The following PCDHGA9 variants were observed in gnomAD, a reference collection of about 807,000 sequenced individuals.
PCDHGA9 encodes the protein protocadherin gamma subfamily A, 9.
In PCDHGA9, 37 loss-of-function variants were observed where a neutral mutation model predicts 62.5. The ratio of observed to expected loss-of-function variants is 0.59; its 90% confidence interval spans 0.46 to 0.78. The LOEUF is 0.78. Ranked by LOEUF, PCDHGA9 falls within the 30% of genes least tolerant of loss-of-function variation. The probability of loss-of-function intolerance (pLI) is 0.00; values close to 1 mark genes in which losing one functional copy is unlikely to be tolerated. For missense variants in PCDHGA9, 1,138 were observed against 1,166.2 expected (o/e 0.98, Z 0.35); for synonymous variants, 459 against 484.6 (o/e 0.95, Z 0.69).
At chr5:141,416,011 G>A (rs2095982763) in intron 1 of PCDHGA9, 2 of 239,912 alleles carry the variant, frequency 8.3e-6, no homozygotes, top group Non-Finnish European at 7.8e-6. Flanking sequence ...GGTAAGAATA[G>A]GTAAGTATCA....
In PCDHGA9 at chr5:141,493,811, A is replaced by T. The variant is rs956872917; in HGVS notation, c.2425-996A>T. Reference sequence around the variant, plus strand: ...CTCCCTGGAGTAATCTGAGATACTCACACTCTCTGCTTCTGGGAGCAAGTA... The same window carrying T: ...CTCCCTGGAGTAATCTGAGATACTCTCACTCTCTGCTTCTGGGAGCAAGTA... On this transcript the variant is annotated intron_variant, in intron 1 of 3. Transcript: ENST00000573521. The surrounding 1 kb of genome is among the most constrained non-coding windows in gnomAD (Gnocchi z 4.3). Among the ~76,000 whole-genome samples the T allele has an allele frequency of 1.3e-5, 2 of 152,154 alleles. No homozygotes were observed. The highest frequency in any genetic ancestry group is 2.9e-5 in the Non-Finnish European group (2 of 68,036).
chr5:141,489,354 G>A lies in PCDHGA9; in HGVS notation c.2425-5453G>A, dbSNP rs773010251. On this transcript the variant is annotated intron_variant, in intron 1 of 3. Coordinates refer to ENST00000573521, the MANE Select transcript of PCDHGA9 (RefSeq NM_018921.3). The surrounding 1 kb of genome is among the most constrained non-coding windows in gnomAD (Gnocchi z 4.5). ...AGCTTCGTTACTCAGTGGTGGAGGA[G>A]TCTGAGCCGGGGACGCTGGTGGGGA... The A allele has an allele frequency of 1.2e-5, 19 of 1,612,796 alleles. No homozygotes were observed. Among genetic ancestry groups the A allele is most frequent in the East Asian group, 2.2e-5 (1 of 44,868 alleles).
intron 1 of PCDHGA9, among the ~76,000 whole-genome samples, chr5:141,464,803 G>A (rs933573443): frequency 1.5e-4 from 23 of 152,092 alleles, no homozygotes; most frequent in African/African-American, 5.1e-4. Context: ...CAGTGATGCA[G>A]TCATAGCTCA....
chr5:141,464,913 A>AT (rs1366203949), intron 1 of PCDHGA9, among the ~76,000 whole-genome samples: 2 of 151,546 alleles, frequency 1.3e-5, no homozygotes, highest in South Asian at 4.2e-4. Flanking sequence ...TAATTTTTTT[A>AT]TTTTTTTGTA....
Position 141,431,721 on chromosome 5 carries a change from C to T in PCDHGA9, c.2424+26345C>T. The T allele has an allele frequency of 1.2e-6, 2 of 1,614,246 alleles. No homozygotes were observed. Among genetic ancestry groups the T allele is most frequent in the Non-Finnish European group, 1.7e-6 (2 of 1,180,044 alleles). On this transcript the variant is annotated intron_variant, in intron 1 of 3. Transcript: ENST00000573521. The surrounding 1 kb of genome is among the most constrained non-coding windows in gnomAD (Gnocchi z 4.8). ...GGATTCTACCAGATGGAAGTGCAAGCAATGGATAATGCAGGATATTCTGCG... is the reference window on the plus strand; with the variant it reads ...GGATTCTACCAGATGGAAGTGCAAGTAATGGATAATGCAGGATATTCTGCG...
intron 1 of PCDHGA9, among the ~76,000 whole-genome samples, chr5:141,470,239 A>G (rs978204909): frequency 1.3e-5 from 2 of 152,232 alleles, no homozygotes; most frequent in African/African-American, 2.4e-5. Flanking sequence ...AAACCCTTGA[A>G]TGTCCCACCT....
intron 1 of PCDHGA9, among the ~76,000 whole-genome samples, chr5:141,438,615 T>C (rs566173071): frequency 5.6e-5 from 2 of 35,920 alleles, no homozygotes; most frequent in Admixed American, 4.1e-4. Flanking sequence ...TATATATATA[T>C]ATATATATAT....
intron 1 of PCDHGA9, chr5:141,415,349 A>G (rs921019257): frequency 1.2e-6 from 2 of 1,614,220 alleles, no homozygotes; most frequent in Non-Finnish European, 1.7e-6. Flanking sequence ...CGCTGGCACA[A>G]GTCACGCCTG....
chr5:141,464,260 G>A (rs546781463), intron 1 of PCDHGA9, among the ~76,000 whole-genome samples: 1 of 131,668 alleles, frequency 7.6e-6, no homozygotes, highest in Non-Finnish European at 1.6e-5. Flanking sequence ...GCGAGACTCC[G>A]TCTAAAAAAA....
chr5:141,409,725 G>A (rs1416188591), intron 1 of PCDHGA9: 1 of 1,613,172 alleles, frequency 6.2e-7, no homozygotes, highest in Non-Finnish European at 8.5e-7. Context: ...GTGTCAGTGA[G>A]CGCGCAGAGC....
chr5:141,428,446 T>C lies in PCDHGA9; in HGVS notation c.2424+23070T>C, dbSNP rs575475897. On this transcript the variant is annotated intron_variant, in intron 1 of 3. Coordinates refer to ENST00000573521, the MANE Select transcript of PCDHGA9 (RefSeq NM_018921.3). The stretch of plus-strand genomic sequence containing the variant: ...CTGTTCTAAGACTAGACCAGGGGTT[T>C]TTCCCAACTACAATGAGGGAACTTT... 4.2e-5 allele frequency: 16 copies of C among 378,218 alleles called. No homozygotes were observed. The East Asian group carries it at 8.8e-4, about 21-fold the overall frequency. 23.4% of individuals were successfully genotyped at this position (378,218 alleles called of 1,614,324 possible). A position where few individuals can be genotyped will look rare whatever the true frequency, so the allele number is the denominator to read the frequency against.
Position 141,476,908 on chromosome 5 carries a change from A to T in PCDHGA9, c.2425-17899A>T. ...ATGCACCCTCCGGCACGCGCGTGGT[A>T]CAAGTCCTTGCAACGGATCTGGATG... is the stretch of plus-strand genomic sequence containing the variant. On this transcript the variant is annotated intron_variant, in intron 1 of 3. Coordinates refer to ENST00000573521, the MANE Select transcript of PCDHGA9 (RefSeq NM_018921.3). This position sits in a 1 kb window ranked among gnomAD's most constrained non-coding sequence, Gnocchi z 7.6. The T allele has an allele frequency of 1.2e-6, 2 of 1,614,050 alleles. No individual in the cohort carries two copies. The highest frequency in any genetic ancestry group is 1.7e-6 in the Non-Finnish European group (2 of 1,180,038).
rs149920059 is a variant in PCDHGA9 at position 141,409,848 on chromosome 5, G to A, written c.2424+4472G>A. 8,006 of 1,612,024 alleles carry A rather than the reference G, an allele frequency of 5.0e-3. 45 individuals are homozygous for A. The highest frequency in any genetic ancestry group is 9.5e-3 in the Admixed American group (567 of 59,794). On this transcript the variant is annotated intron_variant, in intron 1 of 3. Transcript: ENST00000573521. ...ACGCTCAGCGCCAACGTGAGCCTGC[G>A]CGTGTTGGTGGGAGACCGCAATGAC... is the stretch of plus-strand genomic sequence containing the variant.
intron 1 of PCDHGA9, among the ~76,000 whole-genome samples, chr5:141,453,288 A>AT (rs2098760999): frequency 2.0e-5 from 3 of 151,342 alleles, no homozygotes; most frequent in African/African-American, 7.3e-5. Flanking sequence ...TAATTTTTTA[A>AT]TTATTTATTT....
At chr5:141,427,901 G>C (rs2097088177) in intron 1 of PCDHGA9, 6 of 1,572,234 alleles carry the variant, frequency 3.8e-6, no homozygotes, top group East Asian at 2.2e-5. Flanking sequence ...GCTCGCCCGC[G>C]CTCAGCGCCA....
chr5:141,494,832 G>T lies in PCDHGA9; in HGVS notation c.2450G>T (p.Arg817Leu). 1 of 1,614,066 alleles carries T rather than the reference G, an allele frequency of 6.2e-7. No homozygotes were observed. ...CAAGCCCCGCCCAACACGGACTGGCGTTTCTCTCAGGCCCAGAGACCCGGC... is the reference window on the plus strand; with the variant it reads ...CAAGCCCCGCCCAACACGGACTGGCTTTTCTCTCAGGCCCAGAGACCCGGC... The part of the protein sequence containing the change: ...VPQAPPNTDW[R>L]FSQAQRPGTS... The change falls in exon 2 of 4, where the codon CGT becomes CTT. Residue 817 changes from arginine to leucine, a missense_variant. Transcript: ENST00000573521.
chr5:141,467,095 C>G (rs930625426), intron 1 of PCDHGA9, among the ~76,000 whole-genome samples: 2 of 150,094 alleles, frequency 1.3e-5, no homozygotes, highest in African/African-American at 4.9e-5. Context: ...CTCTGTCACA[C>G]AGGCTGGAGT....
chr5:141,446,854 C>T (rs1474444931), intron 1 of PCDHGA9, among the ~76,000 whole-genome samples: 1 of 152,134 alleles, frequency 6.6e-6, no homozygotes, highest in Non-Finnish European at 1.5e-5. Context: ...AATAAGCTTC[C>T]TGATAGCTCT....
At chr5:141,427,733 C>T (rs2097062553) in intron 1 of PCDHGA9, 2 of 1,200,562 alleles carry the variant, frequency 1.7e-6, no homozygotes, top group East Asian at 4.7e-5. Context: ...GGCTGAATGG[C>T]CAAGTCTCCT....
Sources: allele counts gnomAD v4.1 joint callset (sites outside exome capture counted in the v4.1 genomes callset), GRCh38; gene constraint gnomAD v4.1.1; non-coding constraint Gnocchi (gnomAD v3.1); transcripts MANE v1.5; gene names NCBI Gene and HGNC (gene_info 2026-07-23, HGNC 2026-07-21).